DENND2C: variants seen among roughly 807,000 people sequenced by gnomAD.
The protein encoded by DENND2C is DENN domain containing 2C.
A neutral mutation model predicts 112.4 loss-of-function variants in DENND2C; 72 were observed. The ratio of observed to expected loss-of-function variants is 0.64; its 90% CI spans 0.53 to 0.78. The LOEUF (loss-of-function observed/expected upper bound fraction) is 0.78, where lower values mean the gene tolerates loss of function less well. DENND2C is among the 30% of genes least tolerant of loss of function. The probability of loss-of-function intolerance (pLI) is 0.00; values close to 1 mark genes in which losing one functional copy is unlikely to be tolerated. For synonymous variants in DENND2C, 329 were observed against 381.6 expected (o/e 0.86, Z 1.61); for missense variants, 992 against 1,113.8 (o/e 0.89, Z 1.56).
chr1:114,608,704 T>C lies in DENND2C; in HGVS notation c.1539A>G (p.Ile513Met). ...PSGISYIPQVIQQFPGKDDHG... is the reference protein window; with the variant it reads ...PSGISYIPQVMQQFPGKDDHG... ...TGCCTACCTTGCCAGGGAATTGTTG[T>C]ATGACCTGGGGAATATAGCTTATTC... The change falls in exon 10 of 21, where the codon ATA becomes ATG. Residue 513 changes from isoleucine to methionine, a missense_variant. Coordinates refer to ENST00000393274, the MANE Select transcript of DENND2C (RefSeq NM_001256404.2). 1 of 1,613,934 alleles carries C rather than the reference T, an allele frequency of 6.2e-7. No homozygotes were observed. The highest frequency in any genetic ancestry group is 8.5e-7 in the Non-Finnish European group (1 of 1,179,956).
At chr1:114,606,035 A>G (rs558616480) in intron 10 of DENND2C, among the ~76,000 whole-genome samples, 33 of 152,166 alleles carry the variant, frequency 2.2e-4, no homozygotes, top group Non-Finnish European at 3.4e-4. Flanking sequence ...TCTAATTACC[A>G]TATTGCCTTC....
intron 2 of DENND2C, among the ~76,000 whole-genome samples, chr1:114,652,770 C>T (rs1281868348): frequency 6.6e-6 from 1 of 150,434 alleles, no homozygotes; most frequent in African/African-American, 2.4e-5. Flanking sequence ...CAGCCTTGAA[C>T]TCCCGGGCTC....
At chr1:114,650,274 G>A (rs1329985566) in intron 2 of DENND2C, among the ~76,000 whole-genome samples, 1 of 151,684 alleles carries the variant, frequency 6.6e-6, no homozygotes, top group Non-Finnish European at 1.5e-5. Flanking sequence ...AGTGGGCTGA[G>A]ATCATGCCAT....
At position 114,626,026 on chromosome 1, in the gene DENND2C, G is replaced by A. The variant is rs193275789; in HGVS notation, c.-42C>T. 10 of 1,512,696 alleles carry A rather than the reference G, an allele frequency of 6.6e-6. No homozygotes were observed. In the African/African-American group the frequency reaches 9.7e-5, roughly 15 times the overall value. The allele number at this position is 1,512,696 out of a possible 1,614,324, so 93.7% of individuals were successfully genotyped here. A position where few individuals can be genotyped will look rare whatever the true frequency, so the allele number is the denominator to read the frequency against. ...ATGACAAGTGATGAATCTTACAAAG[G>A]TTCCATTACAAGTAAATGTGAAATA... On this transcript the variant is annotated 5_prime_UTR_variant, in exon 4 of 21. Transcript: ENST00000393274.
In DENND2C at chr1:114,634,705, T is replaced by TA. The variant is rs527332641; in HGVS notation, c.-204-8518dup. 6.6e-4 allele frequency among the ~76,000 whole-genome samples: 100 copies of TA among 152,226 alleles called. 1 individual carries two copies. Among genetic ancestry groups the TA allele is most frequent in the Non-Finnish European group, 5.7e-4 (39 of 68,010 alleles). On this transcript the variant is annotated intron_variant, in intron 3 of 20. Coordinates refer to ENST00000393274, the MANE Select transcript of DENND2C (RefSeq NM_001256404.2). ...TTAAAATAAAAAAGTTTAAAAACAA[T>TA]AAGTGAGGATACTACTTCTTGATAT...
chr1:114,601,650 G>C, intron 12 of DENND2C, 65 bp from the exon 13 acceptor site: 1 of 1,371,328 alleles, frequency 7.3e-7, no homozygotes, highest in Non-Finnish European at 1.0e-6. Flanking sequence ...ATACTAATTT[G>C]GACTATTAAT....
intron 3 of DENND2C, among the ~76,000 whole-genome samples, chr1:114,642,598 T>C (rs1005429859): frequency 3.9e-5 from 6 of 152,212 alleles, no homozygotes; most frequent in Admixed American, 3.3e-4. Context: ...GGCATAGCTC[T>C]ACTAACTTTA....
chr1:114,657,726 C>A (rs1657373904), intron 1 of DENND2C, among the ~76,000 whole-genome samples: 1 of 152,188 alleles, frequency 6.6e-6, no homozygotes, highest in South Asian at 2.1e-4. Flanking sequence ...GTAGACAATC[C>A]ATTCAAGGAG....
chr1:114,653,408 C>T (rs1657223272), intron 2 of DENND2C, among the ~76,000 whole-genome samples: 1 of 152,136 alleles, frequency 6.6e-6, no homozygotes, highest in South Asian at 2.1e-4. Flanking sequence ...TGCGCCCAGC[C>T]TCCTATTAGT....
intron 2 of DENND2C, among the ~76,000 whole-genome samples, chr1:114,651,123 A>G (rs1657148193): frequency 6.6e-6 from 1 of 151,896 alleles, no homozygotes; most frequent in African/African-American, 2.4e-5. Context: ...CTCAAAACAA[A>G]ACAAAACAAA....
At chr1:114,592,030 G>A (rs542771558) in intron 18 of DENND2C, among the ~76,000 whole-genome samples, 124 of 151,922 alleles carry the variant, frequency 8.2e-4, no homozygotes, top group Middle Eastern at 6.8e-3. Flanking sequence ...AATTACAGGC[G>A]CGTACCACCA....
rs1295334687 is a variant in DENND2C, at chr1:114,623,537, A to C, written c.913T>G (p.Ser305Ala). ...NSGSALYYTQ[S>A]EDNIYEDIIY... ...ATATCTTCATAGATATTGTCCTCAGACTGTGTGTAATAAAGTGCTGACCCA... is the reference window on the plus strand; with the variant it reads ...ATATCTTCATAGATATTGTCCTCAGCCTGTGTGTAATAAAGTGCTGACCCA... Residue 305 changes from serine (S) to alanine (A), a missense_variant, in exon 5 of 21, where the codon TCT becomes GCT. This residue lies in a region of DENND2C where 470 missense variants were observed against 472.7 expected (regional missense o/e 0.99). Transcript: ENST00000393274. The C allele has an allele frequency of 1.9e-6, 3 of 1,609,682 alleles. No homozygotes were observed. Among genetic ancestry groups the C allele is most frequent in the Non-Finnish European group, 2.5e-6 (3 of 1,178,240 alleles).
intron 3 of DENND2C, among the ~76,000 whole-genome samples, chr1:114,635,909 G>A (rs945992305): frequency 1.3e-5 from 2 of 151,970 alleles, no homozygotes; most frequent in Non-Finnish European, 2.9e-5. Flanking sequence ...GAAAGACTGA[G>A]GTAGGAGGAT....
rs1406913870 is a variant in DENND2C at position 114,604,955 on chromosome 1, G to C, written c.1634C>G (p.Ser545Ter). ...TTCTGAGGTTGGCATCCAGTCCTTTGAATCAGGAAAACAAAATTTTGGAAT... is the reference window on the plus strand; with the variant it reads ...TTCTGAGGTTGGCATCCAGTCCTTTCAATCAGGAAAACAAAATTTTGGAAT... ...KVIPKFCFPD[S>*]KDWMPTSELK... The change falls in exon 11 of 21, where the codon TCA becomes TGA. Residue 545 changes from serine to a stop codon, truncating the protein, a stop_gained. Transcript: ENST00000393274. LOFTEE classifies it high-confidence loss of function. 1 of 1,613,702 alleles carries C rather than the reference G, an allele frequency of 6.2e-7. No individual in the cohort carries two copies. Among genetic ancestry groups the C allele is most frequent in the East Asian group, 2.2e-5 (1 of 44,830 alleles).
In DENND2C at chr1:114,608,717, A is replaced by AT. The variant is rs767069002; in HGVS notation, c.1525dup (p.Ile509AsnfsTer13). On this transcript the variant is annotated frameshift_variant, in exon 10 of 21. Coordinates refer to ENST00000393274, the MANE Select transcript of DENND2C (RefSeq NM_001256404.2). LOFTEE classifies it high-confidence loss of function. Reference sequence around the variant, plus strand: ...AGGGAATTGTTGTATGACCTGGGGAATATAGCTTATTCCTGATGGTTTCTT... The same window carrying AT: ...AGGGAATTGTTGTATGACCTGGGGAATTATAGCTTATTCCTGATGGTTTCTT... The AT allele has an allele frequency of 1.9e-6, 3 of 1,614,030 alleles. No individual in the cohort carries two copies. The African/African-American group carries it at 4.0e-5, about 22-fold the overall frequency.
At chr1:114,600,483 C>G (rs544068714) in intron 14 of DENND2C, 131 bp from the exon 15 acceptor site, 1 of 1,197,904 alleles carries the variant, frequency 8.3e-7, no homozygotes, top group East Asian at 2.5e-5. Context: ...TGTGAAGCTT[C>G]CTATACTAAT....
At chr1:114,632,477 GA>G (rs1358508655) in intron 3 of DENND2C, among the ~76,000 whole-genome samples, 2 of 151,890 alleles carry the variant, frequency 1.3e-5, no homozygotes, top group African/African-American at 4.8e-5. Context: ...AAAGTGCTAG[GA>G]AAAAAACCAA....
At chr1:114,669,529 C>T (rs1657731823) in intron 1 of DENND2C, among the ~76,000 whole-genome samples, 1 of 152,102 alleles carries the variant, frequency 6.6e-6, no homozygotes, top group African/African-American at 2.4e-5. Context: ...TGTTAAGAAT[C>T]AAAACACCAA....
chr1:114,601,568 C>T lies in DENND2C; in HGVS notation c.1755G>A (p.Lys585=). The T allele has an allele frequency of 6.2e-7, 1 of 1,613,074 alleles. No individual in the cohort carries two copies. The highest frequency in any genetic ancestry group is 8.5e-7 in the Non-Finnish European group (1 of 1,179,570). The stretch of plus-strand genomic sequence containing the variant: ...CCATGCAGTATACCTCAGGGAGTCG[C>T]TTTCCTTTGCCTACTGGCTAAAAGA... ...CKKLLPVGKG[K]RLPEVYCMVS... is the part of the protein sequence containing the mutation. Residue 585 remains lysine (K), a synonymous_variant, in exon 13 of 21, where the codon AAG becomes AAA. Transcript: ENST00000393274.
Sources: gnomAD v4.1 joint callset for allele counts (sites outside exome capture counted in the v4.1 genomes callset) on GRCh38, gnomAD v4.1.1 for gene constraint, gnomAD v4.1.1 regional missense constraint, MANE v1.5 for transcripts, NCBI Gene and HGNC (gene_info 2026-07-23, HGNC 2026-07-21) for gene names.